The following ITK variants were observed in gnomAD, a reference collection of about 807,000 sequenced individuals.
ITK encodes the protein tyrosine-protein kinase ITK/TSK.
Under a neutral mutation model 87.6 loss-of-function variants are expected in ITK, and 45 were observed. The observed-to-expected ratio is 0.51, with a 90% CI of 0.40 to 0.66. The LOEUF (loss-of-function observed/expected upper bound fraction) is 0.66, where lower values mean the gene tolerates loss of function less well. ITK is among the 30% of genes least tolerant of loss of function. The probability of loss-of-function intolerance (pLI) is 0.00; values close to 1 mark genes in which losing one functional copy is unlikely to be tolerated. For synonymous variants in ITK, 303 were observed against 273.6 expected (o/e 1.11, Z -1.06); for missense variants, 605 against 766.3 (o/e 0.79, Z 2.48).
At chr5:157,212,845 C>T (rs1224031226) in intron 3 of ITK, among the ~76,000 whole-genome samples, 2 of 151,296 alleles carry the variant, frequency 1.3e-5, no homozygotes, top group Non-Finnish European at 2.9e-5. Flanking sequence ...TGTTCTTACC[C>T]CACCAAAAAA....
intron 5 of ITK, among the ~76,000 whole-genome samples, chr5:157,222,226 G>A (rs145327221): frequency 1.6e-3 from 242 of 152,216 alleles, no homozygotes; most frequent in African/African-American, 3.8e-3. Context: ...GCGACTATGC[G>A]CTTTGTGGTC....
rs1177831971 is a variant in ITK at position 157,232,453 on chromosome 5, A to G, written c.768+59A>G. 13 of 1,194,820 alleles carry G rather than the reference A, an allele frequency of 1.1e-5. No individual in the cohort carries two copies. In the South Asian group the frequency reaches 1.4e-4, roughly 13 times the overall value. The allele number at this position is 1,194,820 out of a possible 1,614,324, so 74.0% of individuals were successfully genotyped here. On this transcript the variant is annotated intron_variant, in intron 8 of 16. Transcript: ENST00000422843. ...TAAAATGAATTAAGTGCACTGTCTC[A>G]TGTCTGGAATCCCAGCGATTTGGCA...
At chr5:157,208,581 G>T (rs187749845) in intron 1 of ITK, among the ~76,000 whole-genome samples, 15 of 152,104 alleles carry the variant, frequency 9.9e-5, no homozygotes, top group Non-Finnish European at 2.2e-4. Context: ...ATTTCTCTAC[G>T]CATCTCAGCT....
rs1755225243 is a variant in ITK at position 157,255,130 on chromosome 5, TA to T, written c.*2456del. 1 of 187,598 alleles carries T rather than the reference TA, an allele frequency of 5.3e-6. No homozygotes were observed. The highest frequency in any genetic ancestry group is 6.2e-5 in the Admixed American group (1 of 16,150). The allele number at this position is 187,598 out of a possible 1,614,324, so 11.6% of individuals were successfully genotyped here. ...TTATCCTTTGTAGAGCACACAGAGT[TA>T]AAAGTTGAATATAGCAATATTAAAG... On this transcript the variant is annotated 3_prime_UTR_variant, in exon 17 of 17. Transcript: ENST00000422843.
At chr5:157,220,027 G>A (rs1425733117) in intron 5 of ITK, among the ~76,000 whole-genome samples, 1 of 152,216 alleles carries the variant, frequency 6.6e-6, no homozygotes, top group Non-Finnish European at 1.5e-5. Context: ...CGGTTCTCTT[G>A]TCTGAGCCAC....
At chr5:157,208,301 G>A (rs78145385) in intron 1 of ITK, among the ~76,000 whole-genome samples, 3,214 of 152,268 alleles carry the variant, frequency 0.021, 50 homozygotes, top group Non-Finnish European at 0.034. Flanking sequence ...AGTTTCCAAG[G>A]AAATGAGACA....
intron 6 of ITK, 71 bp from the exon 7 acceptor site, chr5:157,228,225 T>C (rs114964128): frequency 3.2e-6 from 3 of 925,718 alleles, no homozygotes; most frequent in South Asian, 1.3e-5. Context: ...TGACTTTTAA[T>C]GGATTAAACC....
intron 5 of ITK, 79 bp from the exon 6 acceptor site, chr5:157,222,784 C>T (rs1754445270): frequency 1.4e-6 from 2 of 1,425,548 alleles, no homozygotes; most frequent in Non-Finnish European, 2.0e-6. Flanking sequence ...CAGACTGTCT[C>T]CCCAGACACC....
intron 10 of ITK, 74 bp from the exon 11 acceptor site, chr5:157,241,572 T>C: frequency 9.9e-7 from 1 of 1,012,096 alleles, no homozygotes; most frequent in Non-Finnish European, 1.6e-6. Flanking sequence ...TTATTATTTT[T>C]TTTAGTGATT....
At chr5:157,220,215 G>C (rs1370787361) in intron 5 of ITK, among the ~76,000 whole-genome samples, 1 of 152,184 alleles carries the variant, frequency 6.6e-6, no homozygotes, top group Non-Finnish European at 1.5e-5. Flanking sequence ...TCTGGGGGTT[G>C]GGGGATGGCT....
chr5:157,200,450 A>G (rs1374296526), intron 1 of ITK, among the ~76,000 whole-genome samples: 4 of 152,168 alleles, frequency 2.6e-5, no homozygotes, highest in African/African-American at 9.7e-5. Context: ...CAGAAATAGC[A>G]CAGTTGTTTG....
In ITK at chr5:157,214,325, A is replaced by T. The variant is rs777427639; in HGVS notation, c.454+6A>T. 4 of 1,612,704 alleles carry T rather than the reference A, an allele frequency of 2.5e-6. No homozygotes were observed. Among genetic ancestry groups the T allele is most frequent in the Non-Finnish European group, 3.4e-6 (4 of 1,178,668 alleles). On this transcript the variant is annotated splice_donor_region_variant and intron_variant, in intron 4 of 16. Transcript: ENST00000422843. ...ATATGATCCAACCAAGAATGGTAAG[A>T]GACTGGGAATTCCCTCTAGTTTTTG... is the stretch of plus-strand genomic sequence containing the variant.
chr5:157,238,760 T>A (rs994157315), intron 9 of ITK, among the ~76,000 whole-genome samples: 1 of 152,228 alleles, frequency 6.6e-6, no homozygotes, highest in Non-Finnish European at 1.5e-5. Flanking sequence ...CCAACTGGAC[T>A]GCAAGATCCT....
At position 157,254,295 on chromosome 5, in the gene ITK, A is replaced by G; in HGVS notation, c.*1617A>G. 4.4e-6 allele frequency: 1 copy of G among 227,852 alleles called. No individual in the cohort carries two copies. Among genetic ancestry groups the G allele is most frequent in the Non-Finnish European group, 8.7e-6 (1 of 114,724 alleles). The allele number at this position is 227,852 out of a possible 1,614,324, so 14.1% of individuals were successfully genotyped here. A position where few individuals can be genotyped will look rare whatever the true frequency, so the allele number is the denominator to read the frequency against. ...CCTATTCTGTATCCTTACCTTGGTC[A>G]TGTTAATGACTTTGGAGTTATTCAG... On this transcript the variant is annotated 3_prime_UTR_variant, in exon 17 of 17. Coordinates refer to ENST00000422843, the MANE Select transcript of ITK (RefSeq NM_005546.4).
At chr5:157,218,551 C>A (rs1754348214) in intron 5 of ITK, among the ~76,000 whole-genome samples, 1 of 151,642 alleles carries the variant, frequency 6.6e-6, no homozygotes, top group Non-Finnish European at 1.5e-5. Context: ...CTACTCTTCG[C>A]AAGCATTTTG....
rs1016549140 is a variant in ITK at position 157,231,950 on chromosome 5, G to C, written c.714-390G>C. ...TATAACGAACTGTCTACTGACTTAT[G>C]AAACGAAGAGGAAAATTAATGTTTT... On this transcript the variant is annotated intron_variant, in intron 7 of 16. Coordinates refer to ENST00000422843, the MANE Select transcript of ITK (RefSeq NM_005546.4). Among the ~76,000 whole-genome samples the C allele has an allele frequency of 3.3e-5, 5 of 152,280 alleles. No homozygotes were observed. In the East Asian group the frequency reaches 9.6e-4, roughly 29 times the overall value.
chr5:157,221,886 C>T (rs542858707), intron 5 of ITK, among the ~76,000 whole-genome samples: 2 of 152,102 alleles, frequency 1.3e-5, no homozygotes, highest in Admixed American at 1.3e-4. Context: ...CACAGTGGCT[C>T]ATTCCTGTAC....
intron 1 of ITK, among the ~76,000 whole-genome samples, chr5:157,204,560 G>A (rs1392453113): frequency 3.9e-5 from 6 of 152,150 alleles, no homozygotes; most frequent in South Asian, 4.2e-4. Context: ...TTAGCTGGGC[G>A]TGGTGGCACA....
At chr5:157,207,580 C>CT (rs1687506198) in intron 1 of ITK, among the ~76,000 whole-genome samples, 2 of 151,746 alleles carry the variant, frequency 1.3e-5, no homozygotes, top group Non-Finnish European at 2.9e-5. Context: ...GGGGTTTCAC[C>CT]ATGTTGGGCA....
Sources: allele counts gnomAD v4.1 joint callset (sites outside exome capture counted in the v4.1 genomes callset), GRCh38; gene constraint gnomAD v4.1.1; transcripts MANE v1.5; gene names NCBI Gene and HGNC (gene_info 2026-07-23, HGNC 2026-07-21).